PLEKHA7: variants seen among roughly 807,000 people sequenced by gnomAD.
PLEKHA7 encodes pleckstrin homology domain containing A7.
PLEKHA7 carries 104 observed loss-of-function variants against 170.0 expected under a neutral mutation model. The observed-to-expected ratio is 0.61, with a 90% CI of 0.52 to 0.72. The LOEUF is 0.72. Among genes scored for constraint, PLEKHA7 ranks in the 30% least tolerant of loss-of-function variants. The pLI, the probability that PLEKHA7 is intolerant of heterozygous loss-of-function variation, is 0.00. For synonymous variants in PLEKHA7, 648 were observed against 660.8 expected (o/e 0.98, Z 0.30); for missense variants, 1,615 against 1,671.7 (o/e 0.97, Z 0.59).
At chr11:17,001,879 G>C (rs1294214049) in intron 3 of PLEKHA7, among the ~76,000 whole-genome samples, 3 of 152,228 alleles carry the variant, frequency 2.0e-5, no homozygotes, top group Non-Finnish European at 4.4e-5. Flanking sequence ...AAGAGGGCGA[G>C]GCTCTGTCTT....
At chr11:17,013,085 C>G (rs1017635301) in intron 3 of PLEKHA7, 3 of 152,354 alleles carry the variant, frequency 2.0e-5, no homozygotes, top group African/African-American at 7.2e-5. Flanking sequence ...TACCGAGTGC[C>G]TACTTGCTGT....
intron 8 of PLEKHA7, among the ~76,000 whole-genome samples, chr11:16,846,039 C>A (rs1001468449): frequency 6.6e-6 from 1 of 152,170 alleles, no homozygotes; most frequent in African/African-American, 2.4e-5. Context: ...AATCCCAGCA[C>A]TTTTGGAGGC....
chr11:16,795,081 A>C (rs1449539657), intron 17 of PLEKHA7, 63 bp from the exon 18 acceptor site: 2 of 1,208,380 alleles, frequency 1.7e-6, no homozygotes, highest in African/African-American at 3.0e-5. Flanking sequence ...CTTAGGACTT[A>C]TCCTACCATT....
At position 16,810,511 on chromosome 11, in the gene PLEKHA7, G is replaced by A. The variant is rs771383549; in HGVS notation, c.2007+2602C>T. ...GAGCCAAGCCTCTTCCAGGCTGCTG[G>A]TGCAGTTCAGCTGGTTCCTGGAGAG... On this transcript the variant is annotated intron_variant, in intron 13 of 26. Coordinates refer to ENST00000531066, the MANE Select transcript of PLEKHA7 (RefSeq NM_001329630.2). Among the ~76,000 whole-genome samples the A allele has an allele frequency of 6.9e-4, 105 of 152,218 alleles. 1 individual carries two copies. Among genetic ancestry groups the A allele is most frequent in the Non-Finnish European group, 1.8e-4 (12 of 68,034 alleles).
chr11:16,942,003 A>C (rs4757449), intron 3 of PLEKHA7, among the ~76,000 whole-genome samples: 137,518 of 152,306 alleles, frequency 0.9, 62,205 homozygotes, highest in African/African-American at 0.97. Context: ...AATATTGCTA[A>C]CTGAATGAAT....
chr11:16,865,821 G>A (rs1160933571), intron 4 of PLEKHA7, among the ~76,000 whole-genome samples: 1 of 152,118 alleles, frequency 6.6e-6, no homozygotes, highest in African/African-American at 2.4e-5. Flanking sequence ...GATTAGTGCT[G>A]TCCAACAAAT....
intron 3 of PLEKHA7, among the ~76,000 whole-genome samples, chr11:16,962,936 GCT>G (rs1164564706): frequency 5.3e-5 from 8 of 152,218 alleles, no homozygotes; most frequent in African/African-American, 1.9e-4. Flanking sequence ...ACTGAGTGGA[GCT>G]CTGAGTTAAA....
In PLEKHA7 at chr11:16,791,093, G is replaced by T. The variant is rs2134222703; in HGVS notation, c.2852C>A (p.Thr951Lys). Residue 951 changes from threonine (T) to lysine (K), a missense_variant, in exon 20 of 27, where the codon ACA becomes AAA. Coordinates refer to ENST00000531066, the MANE Select transcript of PLEKHA7 (RefSeq NM_001329630.2). The surrounding 1 kb of genome is among the most constrained non-coding windows in gnomAD (Gnocchi z 4.5). ...LPREATIIRH[T>K]SVRGLKRQSD... ...CTGCCGCTTGAGGCCCCGCACAGAT[G>T]TGTGCCGGATGATGGTGGCCTCTCT... The T allele has an allele frequency of 1.2e-6, 2 of 1,614,176 alleles. No homozygotes were observed. Among genetic ancestry groups the T allele is most frequent in the Non-Finnish European group, 1.7e-6 (2 of 1,180,032 alleles).
At chr11:16,802,839 C>T (rs947599194) in intron 15 of PLEKHA7, 133 bp downstream of exon 15, 2 of 814,146 alleles carry the variant, frequency 2.5e-6, no homozygotes, top group African/African-American at 1.7e-5. Context: ...AGCCACCGCA[C>T]CTGGTGCATT....
rs1477161888 is a variant in PLEKHA7, at chr11:16,816,211, G to A, written c.1920C>T (p.His640=). ...RSMPSMGYMT[H]TVSAPSLHGK... ...CATGTAAACTGGGAGCGCTGACGGT[G>A]TGGGTCATGTAACCCATGGAGGGCA... The change falls in exon 12 of 27, where the codon CAC becomes CAT. Residue 640 remains histidine, a synonymous_variant. Coordinates refer to ENST00000531066, the MANE Select transcript of PLEKHA7 (RefSeq NM_001329630.2). The A allele has an allele frequency of 6.2e-7, 1 of 1,613,842 alleles. No homozygotes were observed. The highest frequency in any genetic ancestry group is 1.3e-5 in the African/African-American group (1 of 74,896).
Position 16,931,614 on chromosome 11 carries a change from C to G in PLEKHA7, c.222-60432G>C, listed in dbSNP as rs193260069. 4.4e-4 allele frequency among the ~76,000 whole-genome samples: 66 copies of G among 151,120 alleles called. 1 individual carries two copies. Among genetic ancestry groups the G allele is most frequent in the African/African-American group, 1.4e-3 (57 of 40,822 alleles). On this transcript the variant is annotated intron_variant, in intron 3 of 26. Transcript: ENST00000531066. ...ACAAAACAAAACAAAACAAAAAAAA[C>G]TTAGCTGGGCATGGTGGCGCGCCTG...
intron 17 of PLEKHA7, among the ~76,000 whole-genome samples, chr11:16,797,747 C>A (rs1042938932): frequency 5.9e-5 from 9 of 152,160 alleles, no homozygotes; most frequent in African/African-American, 1.9e-4. Context: ...GGGCTGAAGT[C>A]CCCAAGCTGA....
intron 4 of PLEKHA7, among the ~76,000 whole-genome samples, chr11:16,867,281 G>T (rs1412317159): frequency 6.6e-6 from 1 of 152,252 alleles, no homozygotes; most frequent in South Asian, 2.1e-4. Context: ...CCTGGGGTGG[G>T]GCCAAGAATT....
intron 3 of PLEKHA7, among the ~76,000 whole-genome samples, chr11:16,935,439 TGTCG>T (rs1397108669): frequency 6.6e-6 from 1 of 152,188 alleles, no homozygotes; most frequent in Non-Finnish European, 1.5e-5. Context: ...AGATTAAATG[TGTCG>T]GTCCTTTTCT....
chr11:16,844,534 G>A (rs1852231253), intron 8 of PLEKHA7, among the ~76,000 whole-genome samples: 1 of 152,232 alleles, frequency 6.6e-6, no homozygotes, highest in African/African-American at 2.4e-5. Context: ...TCTCACTCCT[G>A]CCCTAGTCTC....
Position 16,796,047 on chromosome 11 carries a change from C to T in PLEKHA7, c.2410-1029G>A, listed in dbSNP as rs182107254. 7.8e-4 allele frequency among the ~76,000 whole-genome samples: 118 copies of T among 151,826 alleles called. 1 individual carries two copies. The highest frequency in any genetic ancestry group is 3.5e-3 in the Admixed American group (53 of 15,270). ...CTAATTCTTGTATTTTCAGTAGAGA[C>T]GCGGTTTCACCACATTGGCCAGGCT... is the stretch of plus-strand genomic sequence containing the variant. On this transcript the variant is annotated intron_variant, in intron 17 of 26. Transcript: ENST00000531066.
In PLEKHA7 at chr11:16,789,589, A is replaced by G; in HGVS notation, c.3156+186T>C. ...TTGAGCTCCCTCCTGCCACCCTGAC[A>G]GGCCAGAGAGAAAGGCAGGATGCCC... On this transcript the variant is annotated intron_variant, in intron 22 of 26. Coordinates refer to ENST00000531066, the MANE Select transcript of PLEKHA7 (RefSeq NM_001329630.2). This position sits in a 1 kb window ranked among gnomAD's most constrained non-coding sequence, Gnocchi z 4.6. 1.6e-6 allele frequency: 1 copy of G among 632,042 alleles called. No individual in the cohort carries two copies. The highest frequency in any genetic ancestry group is 2.7e-6 in the Non-Finnish European group (1 of 365,640). The allele number at this position is 632,042 out of a possible 1,614,324, so 39.2% of individuals were successfully genotyped here. A position where few individuals can be genotyped will look rare whatever the true frequency, so the allele number is the denominator to read the frequency against.
intron 3 of PLEKHA7, among the ~76,000 whole-genome samples, chr11:16,957,702 T>C (rs918718697): frequency 2.2e-5 from 3 of 134,960 alleles, no homozygotes; most frequent in African/African-American, 8.3e-5. Context: ...TTTTTCTTTT[T>C]TTTTTTTTTT....
Position 16,789,266 on chromosome 11 carries a change from A to ACTGG in PLEKHA7, c.3186_3187insCCAG (p.Ser1063ProfsTer62). On this transcript the variant is annotated frameshift_variant, in exon 23 of 27. Transcript: ENST00000531066. LOFTEE classifies it high-confidence loss of function. The surrounding 1 kb of genome is among the most constrained non-coding windows in gnomAD (Gnocchi z 4.6). ...ATCTTGCCTCGCTGGTGATCCCCTG[A>ACTGG]GTACAGGCGCTCCAAGGCACTCTTA... 1 of 1,613,572 alleles carries ACTGG rather than the reference A, an allele frequency of 6.2e-7. No homozygotes were observed.
Sources: allele counts gnomAD v4.1 joint callset (sites outside exome capture counted in the v4.1 genomes callset), GRCh38; gene constraint gnomAD v4.1.1; non-coding constraint Gnocchi (gnomAD v3.1); transcripts MANE v1.5; gene names NCBI Gene and HGNC (gene_info 2026-07-23, HGNC 2026-07-21).